Variants in MARCHF5 observed in about 807,000 individuals in gnomAD.
MARCHF5 encodes the protein E3 ubiquitin-protein ligase MARCHF5.
MARCHF5 carries 5 observed loss-of-function variants against 36.5 expected under a neutral mutation model. The ratio of observed to expected loss-of-function variants is 0.14; its 90% CI spans 0.07 to 0.29. The LOEUF is 0.29. Ranked by LOEUF, MARCHF5 falls within the 10% of genes least tolerant of loss-of-function variation. MARCHF5 has a pLI of 1.00. For synonymous variants in MARCHF5, 103 were observed against 109.9 expected, an observed-to-expected ratio of 0.94 and a Z score of 0.39; for missense variants, 179 against 336.3, an observed-to-expected ratio of 0.53 and a Z score of 3.66.
chr10:92,336,903 G>C (rs923824826), intron 2 of MARCHF5, among the ~76,000 whole-genome samples: 1 of 151,934 alleles, frequency 6.6e-6, no homozygotes, highest in Non-Finnish European at 1.5e-5. Context: ...TGGGCAGATC[G>C]CTTGAGCCTA....
intron 1 of MARCHF5, chr10:92,308,651 GAA>G (rs1334326525): frequency 2.0e-5 from 3 of 150,988 alleles, no homozygotes; most frequent in Non-Finnish European, 1.5e-5. Context: ...CCATAGTTGT[GAA>G]ATTAATTAGA....
chr10:92,324,208 A>C (rs1843326859), intron 2 of MARCHF5, among the ~76,000 whole-genome samples: 1 of 152,224 alleles, frequency 6.6e-6, no homozygotes, highest in African/African-American at 2.4e-5. Flanking sequence ...GTACACTTTA[A>C]AATCAGAGTG....
In MARCHF5 at chr10:92,349,541, C is replaced by T. The variant is rs1208215583; in HGVS notation, c.553+9C>T. The T allele has an allele frequency of 6.2e-7, 1 of 1,610,856 alleles. No individual in the cohort carries two copies. Among genetic ancestry groups the T allele is most frequent in the Admixed American group, 1.7e-5 (1 of 59,556 alleles). On this transcript the variant is annotated intron_variant, in intron 4 of 5. Coordinates refer to ENST00000358935, the MANE Select transcript of MARCHF5 (RefSeq NM_017824.5). Reference sequence around the variant, plus strand: ...AAATAGTATATTTCCAGGTAAGGCACTGAACTGTGGTTGTAAAGTGCATAC... The same window carrying T: ...AAATAGTATATTTCCAGGTAAGGCATTGAACTGTGGTTGTAAAGTGCATAC...
At chr10:92,337,566 T>G (rs1298782242) in intron 2 of MARCHF5, among the ~76,000 whole-genome samples, 1 of 151,988 alleles carries the variant, frequency 6.6e-6, no homozygotes, top group African/African-American at 2.4e-5. Context: ...CTGGGGAATT[T>G]TGTTGCAAAG....
At chr10:92,300,135 TGG>T (rs1564942300) in intron 1 of MARCHF5, among the ~76,000 whole-genome samples, 1 of 148,668 alleles carries the variant, frequency 6.7e-6, no homozygotes, top group African/African-American at 2.5e-5. Flanking sequence ...CACTCCAGCC[TGG>T]GTATAACAAA....
At chr10:92,312,637 G>A (rs1843157829) in intron 2 of MARCHF5, among the ~76,000 whole-genome samples, 1 of 152,170 alleles carries the variant, frequency 6.6e-6, no homozygotes, top group African/African-American at 2.4e-5. Context: ...TTCTTTTCTT[G>A]CTCTTAGTTG....
chr10:92,343,454 T>G (rs995394760), intron 3 of MARCHF5, among the ~76,000 whole-genome samples: 1 of 152,240 alleles, frequency 6.6e-6, no homozygotes, highest in African/African-American at 2.4e-5. Context: ...TTATTTTTCC[T>G]GTTAGGAGGT....
chr10:92,349,907 G>A, intron 5 of MARCHF5, 70 bp downstream of exon 5: 2 of 1,304,368 alleles, frequency 1.5e-6, no homozygotes. Context: ...TTTAAAAGGT[G>A]GGGAACTGTA....
rs1200492327 is a variant in MARCHF5 at position 92,340,808 on chromosome 10, A to G, written c.369+5A>G. On this transcript the variant is annotated splice_donor_5th_base_variant and intron_variant, in intron 3 of 5. Transcript: ENST00000358935. ...GGAGCAGTGACAGTGATGCAGGTTC[A>G]CTATTTTACCTATATAGTGATATTA... 5.0e-6 allele frequency: 8 copies of G among 1,607,280 alleles called. No homozygotes were observed. Among genetic ancestry groups the G allele is most frequent in the Non-Finnish European group, 6.8e-6 (8 of 1,177,410 alleles).
At chr10:92,293,367 G>A (rs11186899) in intron 1 of MARCHF5, among the ~76,000 whole-genome samples, 51,031 of 152,004 alleles carry the variant, frequency 0.34, 10,763 homozygotes, top group Middle Eastern at 0.52. Context: ...GCCTCCCAAA[G>A]TGCTGGATTG....
At position 92,351,657 on chromosome 10, in the gene MARCHF5, A is replaced by G. The variant is rs1382004058; in HGVS notation, c.*450A>G. ...ATTTGATTACATACTAAATAAGAGG[A>G]TATGTTAATATGAGGAAATGTAAAT... On this transcript the variant is annotated 3_prime_UTR_variant, in exon 6 of 6. Coordinates refer to ENST00000358935, the MANE Select transcript of MARCHF5 (RefSeq NM_017824.5). The G allele has an allele frequency of 6.5e-6, 1 of 152,772 alleles. No individual in the cohort carries two copies. Among genetic ancestry groups the G allele is most frequent in the African/African-American group, 2.4e-5 (1 of 41,546 alleles). 9.5% of individuals were successfully genotyped at this position (152,772 alleles called of 1,614,324 possible). A position where few individuals can be genotyped will look rare whatever the true frequency, so the allele number is the denominator to read the frequency against.
At chr10:92,296,625 C>T (rs548259811) in intron 1 of MARCHF5, among the ~76,000 whole-genome samples, 1 of 152,270 alleles carries the variant, frequency 6.6e-6, no homozygotes, top group African/African-American at 2.4e-5. Flanking sequence ...CTGCTTCCCC[C>T]GTCTTAAAAT....
At chr10:92,292,503 CTTAATTGAGTTTATACCCAG>C (rs1216933083) in intron 1 of MARCHF5, among the ~76,000 whole-genome samples, 1 of 152,182 alleles carries the variant, frequency 6.6e-6, no homozygotes, top group Non-Finnish European at 1.5e-5. Flanking sequence ...AAGGCCCTCC[CTTAATTGAGTTTATACCCAG>C]TTAAATGCTT....
chr10:92,349,879 G>T (rs774229079), intron 5 of MARCHF5, 42 bp downstream of exon 5: 3 of 1,508,702 alleles, frequency 2.0e-6, no homozygotes, highest in African/African-American at 2.8e-5. Context: ...TTGCAAAAGA[G>T]AATGAAGTGT....
intron 2 of MARCHF5, among the ~76,000 whole-genome samples, chr10:92,316,730 T>A (rs1022268709): frequency 1.4e-5 from 1 of 70,636 alleles, no homozygotes; most frequent in Non-Finnish European, 5.2e-5. Flanking sequence ...ACCCAGCTAA[T>A]TTTTTTTTTC....
At position 92,352,247 on chromosome 10, in the gene MARCHF5, C is replaced by T. The variant is rs553338095; in HGVS notation, c.*1040C>T. On this transcript the variant is annotated 3_prime_UTR_variant, in exon 6 of 6. Transcript: ENST00000358935. ...ACATAGAAAACCAGCAGTGAATAAA[C>T]CAAGGTGAGGCCTTGAGCTCTTTGT... 1 of 152,444 alleles carries T rather than the reference C, an allele frequency of 6.6e-6. No homozygotes were observed. Among genetic ancestry groups the T allele is most frequent in the Admixed American group, 6.5e-5 (1 of 15,282 alleles). 9.4% of individuals were successfully genotyped at this position (152,444 alleles called of 1,614,324 possible).
rs1033770209 is a variant in MARCHF5, at chr10:92,300,295, C to G, written c.35+8766C>G. Among the ~76,000 whole-genome samples the G allele has an allele frequency of 6.6e-5, 10 of 151,128 alleles. No homozygotes were observed. The East Asian group carries it at 1.9e-3, about 29-fold the overall frequency. ...AAGAGTTTGAGACCAGCGTGGGCAA[C>G]ATGGAGAAACCCTGTGTCTACTTAA... On this transcript the variant is annotated intron_variant, in intron 1 of 5. Coordinates refer to ENST00000358935, the MANE Select transcript of MARCHF5 (RefSeq NM_017824.5).
At chr10:92,351,045 T>C in intron 5 of MARCHF5, 46 bp from the exon 6 acceptor site, 1 of 1,020,822 alleles carries the variant, frequency 9.8e-7, no homozygotes, top group African/African-American at 1.6e-5. Context: ...TTACTCTGTT[T>C]CTCTAAATCT....
intron 2 of MARCHF5, among the ~76,000 whole-genome samples, chr10:92,322,439 CTTTTTTTTTT>C (rs575122002): frequency 8.3e-6 from 1 of 120,466 alleles, no homozygotes; most frequent in African/African-American, 3.1e-5. Context: ...TCTTTTTGTC[CTTTTTTTTTT>C]TTTTTTTTGA....
Sources: allele counts gnomAD v4.1 joint callset (sites outside exome capture counted in the v4.1 genomes callset), GRCh38; gene constraint gnomAD v4.1.1; transcripts MANE v1.5; gene names NCBI Gene and HGNC (gene_info 2026-07-23, HGNC 2026-07-21).